DOCK1: variants seen among roughly 807,000 people sequenced by gnomAD.
DOCK1 encodes dedicator of cytokinesis protein 1.
In DOCK1, 138 loss-of-function variants were observed where a neutral mutation model predicts 262.7. That is an observed-to-expected ratio of 0.53 (90% confidence interval 0.46 to 0.61). The LOEUF (loss-of-function observed/expected upper bound fraction) is 0.61, where lower values mean the gene tolerates loss of function less well. Among genes scored for constraint, DOCK1 ranks in the 20% least tolerant of loss-of-function variants. DOCK1 has a pLI of 0.00. For missense variants in DOCK1, 1,908 were observed against 2,370.7 expected (o/e 0.80, Z 4.05); for synonymous variants, 866 against 867.4 (o/e 1.00, Z 0.03).
intron 31 of DOCK1, among the ~76,000 whole-genome samples, chr10:127,354,030 AAGTT>A (rs2064016486): frequency 6.6e-6 from 1 of 152,176 alleles, no homozygotes; most frequent in African/African-American, 2.4e-5. Flanking sequence ...ATAAAAGAAA[AAGTT>A]AAATTGCTCA....
chr10:127,306,928 C>T (rs905607139), intron 29 of DOCK1, among the ~76,000 whole-genome samples: 6 of 151,992 alleles, frequency 3.9e-5, no homozygotes, highest in Non-Finnish European at 8.8e-5. Flanking sequence ...AAAGTGTACC[C>T]GTTAAATTCA....
chr10:127,285,071 G>A (rs1298476039), intron 29 of DOCK1, among the ~76,000 whole-genome samples: 9 of 152,112 alleles, frequency 5.9e-5, no homozygotes, highest in Admixed American at 3.9e-4. Context: ...CCAGGAGGTC[G>A]AGGCTGCAGT....
Position 127,109,415 on chromosome 10 carries a change from C to T in DOCK1, c.2517-833C>T, listed in dbSNP as rs1489732737. Reference sequence around the variant, plus strand: ...GTATTATTTACAAACGATAAAGTCACCTATTGTAGACGGTTCAATTCAGTG... The same window carrying T: ...GTATTATTTACAAACGATAAAGTCATCTATTGTAGACGGTTCAATTCAGTG... On this transcript the variant is annotated intron_variant, in intron 24 of 51. Coordinates refer to ENST00000623213, the MANE Select transcript of DOCK1 (RefSeq NM_001290223.2). 1.3e-5 allele frequency among the ~76,000 whole-genome samples: 2 copies of T among 152,166 alleles called. 1 individual carries two copies. The highest frequency in any genetic ancestry group is 2.9e-5 in the Non-Finnish European group (2 of 68,030).
chr10:127,384,684 T>G, intron 37 of DOCK1, 106 bp from the exon 38 acceptor site: 1 of 1,302,180 alleles, frequency 7.7e-7, no homozygotes, highest in South Asian at 2.3e-5. Context: ...GCCACACATG[T>G]CTCCAGAACC....
At chr10:126,974,820 C>T (rs2038393578) in intron 2 of DOCK1, among the ~76,000 whole-genome samples, 1 of 152,042 alleles carries the variant, frequency 6.6e-6, no homozygotes, top group African/African-American at 2.4e-5. Context: ...AGTGTGGTCT[C>T]TGGTACATGG....
At position 126,995,363 on chromosome 10, in the gene DOCK1, G is replaced by C. The variant is rs535984055; in HGVS notation, c.474-1385G>C. 5.3e-5 allele frequency among the ~76,000 whole-genome samples: 8 copies of C among 152,358 alleles called. No homozygotes were observed. The East Asian group carries it at 1.5e-3, about 29-fold the overall frequency. On this transcript the variant is annotated intron_variant, in intron 6 of 51. Coordinates refer to ENST00000623213, the MANE Select transcript of DOCK1 (RefSeq NM_001290223.2). This position sits in a 1 kb window ranked among gnomAD's most constrained non-coding sequence, Gnocchi z 5.8. ...CAGCCTGGGCAACACTGAGCACTGG[G>C]TGAGCAAGACTCTGTCTGCAATCCC...
chr10:126,955,326 A>C (rs938452771), intron 1 of DOCK1, among the ~76,000 whole-genome samples: 2 of 152,162 alleles, frequency 1.3e-5, no homozygotes, highest in Non-Finnish European at 2.9e-5. Flanking sequence ...GGGTTTCACT[A>C]TGTTGGCCAG....
chr10:127,052,583 C>A, intron 21 of DOCK1, 98 bp from the exon 22 acceptor site: 3 of 1,542,602 alleles, frequency 1.9e-6, no homozygotes, highest in Non-Finnish European at 2.6e-6. Flanking sequence ...TAGATGGAAA[C>A]CAAATAAAAG....
rs547043001 is a variant in DOCK1 at position 126,995,649 on chromosome 10, A to T, written c.474-1099A>T. On this transcript the variant is annotated intron_variant, in intron 6 of 51. Transcript: ENST00000623213. The surrounding 1 kb of genome is among the most constrained non-coding windows in gnomAD (Gnocchi z 5.8). ...ACCGTGGAGAGAGAGGGAGAGGGAG[A>T]CCGTGGAGAGGGAGAGGGAGACCGT... is the stretch of plus-strand genomic sequence containing the variant. 3.4e-5 allele frequency among the ~76,000 whole-genome samples: 5 copies of T among 145,384 alleles called. No homozygotes were observed. In the South Asian group the frequency reaches 1.2e-3, roughly 34 times the overall value.
At chr10:127,443,455 C>T (rs931437351) in intron 49 of DOCK1, among the ~76,000 whole-genome samples, 1 of 152,132 alleles carries the variant, frequency 6.6e-6, no homozygotes, top group Non-Finnish European at 1.5e-5. Context: ...TAAGCTCCCA[C>T]CTCTGTCTTA....
chr10:126,982,107 G>A, intron 4 of DOCK1, 134 bp downstream of exon 4: 1 of 877,578 alleles, frequency 1.1e-6, no homozygotes. Flanking sequence ...AGGAGTTTTG[G>A]GGAGAGAAAG....
chr10:127,008,880 T>A lies in DOCK1; in HGVS notation c.1058+76T>A, dbSNP rs1374709676. 1.3e-5 allele frequency: 16 copies of A among 1,267,828 alleles called. No individual in the cohort carries two copies. In the South Asian group the frequency reaches 2.2e-4, roughly 17 times the overall value. 78.5% of individuals were successfully genotyped at this position (1,267,828 alleles called of 1,614,324 possible). ...AGGCTTGTAATAATTATCTTTATAATTAAATGGATAAACATAACTAAGGAT... is the reference window on the plus strand; with the variant it reads ...AGGCTTGTAATAATTATCTTTATAAATAAATGGATAAACATAACTAAGGAT... On this transcript the variant is annotated intron_variant, in intron 11 of 51. Coordinates refer to ENST00000623213, the MANE Select transcript of DOCK1 (RefSeq NM_001290223.2).
intron 47 of DOCK1, among the ~76,000 whole-genome samples, chr10:127,430,027 G>A (rs1371200641): frequency 6.6e-6 from 1 of 152,126 alleles, no homozygotes; most frequent in Non-Finnish European, 1.5e-5. Flanking sequence ...ACACCATGGA[G>A]AGCCATAACC....
At chr10:127,259,509 GCA>G (rs1564942179) in intron 29 of DOCK1, among the ~76,000 whole-genome samples, 1 of 152,212 alleles carries the variant, frequency 6.6e-6, no homozygotes, top group Non-Finnish European at 1.5e-5. Flanking sequence ...TTGGCCAGGA[GCA>G]GAGGTGTGGC....
chr10:127,249,265 T>A (rs957487689), intron 28 of DOCK1, among the ~76,000 whole-genome samples: 2 of 152,064 alleles, frequency 1.3e-5, no homozygotes, highest in African/African-American at 4.8e-5. Context: ...ACTATATATA[T>A]AATGCATAGT....
chr10:127,196,705 A>G (rs1196909196), intron 27 of DOCK1, among the ~76,000 whole-genome samples: 1 of 131,082 alleles, frequency 7.6e-6, no homozygotes, highest in Non-Finnish European at 1.7e-5. Flanking sequence ...CGCCGCCGCC[A>G]GAGCTGGAGG....
At chr10:127,260,174 G>A (rs2059971561) in intron 29 of DOCK1, among the ~76,000 whole-genome samples, 1 of 152,206 alleles carries the variant, frequency 6.6e-6, no homozygotes, top group African/African-American at 2.4e-5. Context: ...AGGTACCCGC[G>A]CTGCAGCAGC....
At chr10:127,408,472 G>A (rs995175949) in intron 40 of DOCK1, among the ~76,000 whole-genome samples, 1 of 152,208 alleles carries the variant, frequency 6.6e-6, no homozygotes, top group Admixed American at 6.5e-5. Context: ...GCTCTGGTCT[G>A]CATCCCTTCC....
At chr10:127,391,597 A>G (rs2066482162) in intron 38 of DOCK1, among the ~76,000 whole-genome samples, 1 of 100,246 alleles carries the variant, frequency 1.0e-5, no homozygotes, top group Admixed American at 1.2e-4. Context: ...GGATCTGTCT[A>G]TGCACGTGCC....
Sources: allele counts gnomAD v4.1 joint callset (sites outside exome capture counted in the v4.1 genomes callset), GRCh38; gene constraint gnomAD v4.1.1; non-coding constraint Gnocchi (gnomAD v3.1); transcripts MANE v1.5; gene names NCBI Gene and HGNC (gene_info 2026-07-23, HGNC 2026-07-21).